ZZZ3: variants seen among roughly 807,000 people sequenced by gnomAD.
The protein encoded by ZZZ3 is zinc finger ZZ-type containing 3.
ZZZ3 carries 22 observed loss-of-function variants against 95.2 expected under a neutral mutation model. That is an observed-to-expected ratio of 0.23 (90% CI 0.17 to 0.33). The LOEUF (loss-of-function observed/expected upper bound fraction) is 0.33. Ranked by LOEUF, ZZZ3 falls within the 10% of genes least tolerant of loss-of-function variation. ZZZ3 has a pLI of 1.00. For synonymous variants in ZZZ3, 335 were observed against 358.9 expected (o/e 0.93, Z 0.75); for missense variants, 885 against 1,066.5 (o/e 0.83, Z 2.37).
intron 5 of ZZZ3, among the ~76,000 whole-genome samples, chr1:77,609,727 A>C (rs1665593636): frequency 6.6e-6 from 1 of 152,138 alleles, no homozygotes; most frequent in Non-Finnish European, 1.5e-5. Context: ...GAAATCAGTA[A>C]AAAGAGGATT....
intron 14 of ZZZ3, 40 bp from the exon 15 acceptor site, chr1:77,565,824 G>T: frequency 6.3e-7 from 1 of 1,575,660 alleles, no homozygotes. Context: ...CATGGTAGTG[G>T]ATGCATTTTA....
At chr1:77,631,233 T>C (rs1362891580) in intron 5 of ZZZ3, among the ~76,000 whole-genome samples, 2 of 152,208 alleles carry the variant, frequency 1.3e-5, no homozygotes, top group African/African-American at 4.8e-5. Flanking sequence ...TTATATTTAG[T>C]ATCAGGAAAA....
chr1:77,646,714 A>G (rs917703111), intron 1 of ZZZ3, among the ~76,000 whole-genome samples: 3 of 152,222 alleles, frequency 2.0e-5, no homozygotes, highest in African/African-American at 7.2e-5. Flanking sequence ...CTGACAAAAG[A>G]AACAAGACAA....
chr1:77,646,831 CCCAAGCA>C (rs1669317789), intron 1 of ZZZ3, among the ~76,000 whole-genome samples: 3 of 152,138 alleles, frequency 2.0e-5, no homozygotes, highest in Non-Finnish European at 4.4e-5. Context: ...AGGAAGGTGT[CCCAAGCA>C]AGCTCAGTGG....
intron 1 of ZZZ3, among the ~76,000 whole-genome samples, chr1:77,652,179 TAA>T (rs1039564582): frequency 6.6e-6 from 1 of 152,018 alleles, no homozygotes; most frequent in Admixed American, 6.6e-5. Context: ...CTCAAGAGAA[TAA>T]AAAGATAACC....
chr1:77,628,677 T>C (rs1290424650), intron 5 of ZZZ3, among the ~76,000 whole-genome samples: 3 of 152,252 alleles, frequency 2.0e-5, no homozygotes, highest in Non-Finnish European at 2.9e-5. Context: ...AGAAGGCTGT[T>C]GATCACTGTT....
intron 1 of ZZZ3, among the ~76,000 whole-genome samples, chr1:77,659,824 TTTTG>T (rs373522358): frequency 6.1e-4 from 91 of 150,374 alleles, no homozygotes; most frequent in African/African-American, 9.5e-4. Context: ...GTTGTTGTGG[TTTTG>T]TTTGTTTGTT....
intron 5 of ZZZ3, among the ~76,000 whole-genome samples, chr1:77,619,677 T>C (rs1035125573): frequency 3.3e-5 from 5 of 152,188 alleles, no homozygotes; most frequent in African/African-American, 1.2e-4. Context: ...TTACATTTCT[T>C]ATATGACCAT....
chr1:77,655,303 T>C (rs1307615624), intron 1 of ZZZ3, among the ~76,000 whole-genome samples: 2 of 152,222 alleles, frequency 1.3e-5, no homozygotes, highest in Admixed American at 6.5e-5. Flanking sequence ...ATTCAAACCA[T>C]AGCATATGAT....
chr1:77,680,549 T>C (rs1452476114), intron 1 of ZZZ3, among the ~76,000 whole-genome samples: 1 of 152,206 alleles, frequency 6.6e-6, no homozygotes, highest in Non-Finnish European at 1.5e-5. Flanking sequence ...TTCTCTTATG[T>C]GACTGGTCTG....
intron 5 of ZZZ3, among the ~76,000 whole-genome samples, chr1:77,626,154 T>C (rs1445721322): frequency 6.6e-6 from 1 of 152,198 alleles, no homozygotes; most frequent in African/African-American, 2.4e-5. Flanking sequence ...ATGTTTTGGT[T>C]AGTCAATGGC....
chr1:77,607,678 C>A (rs529223412), intron 5 of ZZZ3, among the ~76,000 whole-genome samples: 1 of 152,174 alleles, frequency 6.6e-6, no homozygotes, highest in South Asian at 2.1e-4. Context: ...AATCCCAGCA[C>A]TTTGGGAGGC....
intron 1 of ZZZ3, among the ~76,000 whole-genome samples, chr1:77,672,306 T>C (rs1671859825): frequency 1.3e-5 from 2 of 152,188 alleles, no homozygotes; most frequent in Non-Finnish European, 2.9e-5. Flanking sequence ...AATCCTCTAG[T>C]GGTTTAGTTT....
In ZZZ3 at chr1:77,632,532, C is replaced by T. The variant is rs1238355249; in HGVS notation, c.823G>A (p.Val275Ile). Reference protein sequence around the residue: ...KVPCTDSQVQVKLEDHKIVTA... With the variant: ...KVPCTDSQVQIKLEDHKIVTA... ...ACTATTTTGTGGTCCTCCAACTTGA[C>T]CTGCACTTGTGAATCTGTGCAAGGC... Residue 275 changes from valine to isoleucine, a missense_variant, in exon 5 of 15, where the codon GTC becomes ATC. Transcript: ENST00000370801. 4.3e-6 allele frequency: 7 copies of T among 1,614,058 alleles called. No homozygotes were observed. The highest frequency in any genetic ancestry group is 8.5e-7 in the Non-Finnish European group (1 of 1,180,030).
intron 1 of ZZZ3, among the ~76,000 whole-genome samples, chr1:77,651,014 A>G (rs1423121136): frequency 6.6e-6 from 1 of 152,194 alleles, no homozygotes; most frequent in South Asian, 2.1e-4. Context: ...CAAAAGAATG[A>G]CATTGAACCC....
At position 77,632,067 on chromosome 1, in the gene ZZZ3, G is replaced by A. The variant is rs1277731316; in HGVS notation, c.1288C>T (p.Pro430Ser). 3.7e-6 allele frequency: 6 copies of A among 1,614,068 alleles called. No individual in the cohort carries two copies. The highest frequency in any genetic ancestry group is 1.7e-5 in the Admixed American group (1 of 60,018). Residue 430 changes from proline to serine, a missense_variant, in exon 5 of 15, where the codon CCT (proline) becomes TCT (serine). Pro to Ser is a moderately conservative substitution (Grantham distance 74). This residue lies in a region of ZZZ3 where 556 missense variants were observed against 652.9 expected (regional missense o/e 0.85). Coordinates refer to ENST00000370801, the MANE Select transcript of ZZZ3 (RefSeq NM_015534.6). ...SDNVSQSPTNPGEISQNEKGI... is the reference protein window; with the variant it reads ...SDNVSQSPTNSGEISQNEKGI... ...TTTTCATTTTGAGAAATTTCACCAGGATTTGTAGGAGATTGACTTACATTA... is the reference window on the plus strand; with the variant it reads ...TTTTCATTTTGAGAAATTTCACCAGAATTTGTAGGAGATTGACTTACATTA...
chr1:77,590,066 T>C (rs767469387), intron 5 of ZZZ3, among the ~76,000 whole-genome samples: 7 of 152,222 alleles, frequency 4.6e-5, no homozygotes, highest in Non-Finnish European at 7.4e-5. Flanking sequence ...ACTCATTAAA[T>C]AGTGTCATTA....
At chr1:77,651,993 G>A in intron 1 of ZZZ3, among the ~76,000 whole-genome samples, 1 of 150,092 alleles carries the variant, frequency 6.7e-6, no homozygotes. Flanking sequence ...TCCAGTCTGG[G>A]CGACAAGAGC....
At chr1:77,578,747 A>T (rs1237226818) in intron 11 of ZZZ3, 27 bp downstream of exon 11, 1 of 1,283,366 alleles carries the variant, frequency 7.8e-7, no homozygotes, top group South Asian at 1.6e-5. Context: ...TTTAATCTAC[A>T]GTTTACTTTC....
Sources: allele counts gnomAD v4.1 joint callset (sites outside exome capture counted in the v4.1 genomes callset), GRCh38; gene constraint gnomAD v4.1.1; regional missense constraint gnomAD v4.1.1; transcripts MANE v1.5; gene names NCBI Gene and HGNC (gene_info 2026-07-23, HGNC 2026-07-21).